The following GALNT13 variants were observed in gnomAD, a reference collection of about 807,000 sequenced individuals.
GALNT13 encodes UDP-GalNAc:polypeptide N-acetylgalactosaminyltransferase 13.
Under a neutral mutation model 64.2 loss-of-function variants are expected in GALNT13, and 28 were observed. That is an observed-to-expected ratio of 0.44 (90% CI 0.32 to 0.60). The LOEUF is 0.60. Ranked by LOEUF, GALNT13 falls within the 20% of genes least tolerant of loss-of-function variation. The pLI is 0.05. For synonymous variants in GALNT13, 214 were observed against 224.6 expected (o/e 0.95, Z 0.42); for missense variants, 577 against 669.8 (o/e 0.86, Z 1.53).
intron 2 of GALNT13, among the ~76,000 whole-genome samples, chr2:153,936,530 C>A (rs1301523632): frequency 6.6e-6 from 1 of 151,990 alleles, no homozygotes; most frequent in Non-Finnish European, 1.5e-5. Context: ...AGCCCTGTAG[C>A]CTGAAACCAG....
intron 4 of GALNT13, among the ~76,000 whole-genome samples, chr2:154,183,357 C>T (rs1417611904): frequency 6.6e-6 from 1 of 151,932 alleles, no homozygotes; most frequent in Non-Finnish European, 1.5e-5. Context: ...CTTGTGGACT[C>T]TCTTTCATTT....
intron 9 of GALNT13, among the ~76,000 whole-genome samples, chr2:154,356,349 G>T (rs1220688766): frequency 6.6e-6 from 1 of 151,942 alleles, no homozygotes; most frequent in African/African-American, 2.4e-5. Flanking sequence ...TCTGAGAATT[G>T]CTAGTGTTCA....
chr2:154,021,848 T>A, intron 3 of GALNT13, among the ~76,000 whole-genome samples: 1 of 150,148 alleles, frequency 6.7e-6, no homozygotes, highest in Non-Finnish European at 1.5e-5. Flanking sequence ...TTGTCATAGA[T>A]AGCTCTTATT....
intron 12 of GALNT13, among the ~76,000 whole-genome samples, chr2:154,441,400 G>A (rs1364428512): frequency 6.6e-6 from 1 of 152,068 alleles, no homozygotes; most frequent in East Asian, 1.9e-4. Context: ...ATCTTTTGCT[G>A]GCAAGGACAA....
At chr2:153,758,815 C>T in the GALNT13 span, among the ~76,000 whole-genome samples, 4 of 152,134 alleles carry the variant, frequency 2.6e-5, no homozygotes, top group Admixed American at 6.5e-5. Flanking sequence ...TGGTCTTGAA[C>T]TCCTGTGCTC....
the GALNT13 span, among the ~76,000 whole-genome samples, chr2:153,122,481 G>C: frequency 1.3e-5 from 2 of 152,206 alleles, no homozygotes; most frequent in African/African-American, 4.8e-5. Context: ...CCAGTGTTCA[G>C]ATTTACATCC....
the GALNT13 span, among the ~76,000 whole-genome samples, chr2:153,143,236 T>A: frequency 5.3e-5 from 8 of 151,976 alleles, no homozygotes; most frequent in African/African-American, 1.9e-4. Flanking sequence ...AGGTCGAATG[T>A]ACATGTCTCT....
intron 2 of GALNT13, among the ~76,000 whole-genome samples, chr2:153,905,265 T>C (rs1688482111): frequency 6.6e-6 from 1 of 152,084 alleles, no homozygotes; most frequent in African/African-American, 2.4e-5. Context: ...ATTTCATTTA[T>C]GAACATAATA....
the GALNT13 span, among the ~76,000 whole-genome samples, chr2:153,780,414 C>G: frequency 6.6e-6 from 1 of 151,898 alleles, no homozygotes. Context: ...TCACATCAGG[C>G]AGTCCTTGCT....
chr2:154,304,855 A>T (rs1417647510), intron 9 of GALNT13, among the ~76,000 whole-genome samples: 1 of 152,212 alleles, frequency 6.6e-6, no homozygotes, highest in Non-Finnish European at 1.5e-5. Context: ...AATGTGTTGA[A>T]GATATCTAAG....
chr2:153,884,967 A>C (rs1280810196), intron 1 of GALNT13, among the ~76,000 whole-genome samples: 1 of 148,360 alleles, frequency 6.7e-6, no homozygotes, highest in Admixed American at 6.7e-5. Flanking sequence ...TTAACCCAGG[A>C]GGTAAAGGTT....
the GALNT13 span, among the ~76,000 whole-genome samples, chr2:153,190,509 G>A: frequency 6.6e-6 from 1 of 151,986 alleles, no homozygotes; most frequent in African/African-American, 2.4e-5. Flanking sequence ...TTAAAGTCAG[G>A]TAGTATGATG....
At chr2:153,497,538 T>A in the GALNT13 span, among the ~76,000 whole-genome samples, 988 of 123,482 alleles carry the variant, frequency 8.0e-3, 19 homozygotes, top group African/African-American at 0.022. Flanking sequence ...TTTTTTTTTT[T>A]TTTTTTTTTT....
the GALNT13 span, among the ~76,000 whole-genome samples, chr2:153,322,594 C>T: frequency 6.6e-6 from 1 of 152,074 alleles, no homozygotes; most frequent in Non-Finnish European, 1.5e-5. Context: ...TGGTGGTTTG[C>T]TGCATCCATC....
intron 9 of GALNT13, among the ~76,000 whole-genome samples, chr2:154,326,883 G>A (rs1694903043): frequency 6.6e-6 from 1 of 152,084 alleles, no homozygotes; most frequent in African/African-American, 2.4e-5. Flanking sequence ...TTTTTCAGGT[G>A]TTGAGGTCAC....
chr2:154,351,042 A>G (rs960368984), intron 9 of GALNT13, among the ~76,000 whole-genome samples: 1 of 152,128 alleles, frequency 6.6e-6, no homozygotes, highest in Admixed American at 6.6e-5. Flanking sequence ...GGGACACAGG[A>G]TTTGCAGCTG....
At chr2:153,723,070 C>A in the GALNT13 span, among the ~76,000 whole-genome samples, 4 of 150,684 alleles carry the variant, frequency 2.7e-5, no homozygotes, top group Admixed American at 6.6e-5. Context: ...TACTGGCAAA[C>A]CGAATCCAGC....
chr2:154,194,599 C>T (rs1456279566), intron 4 of GALNT13, among the ~76,000 whole-genome samples: 1 of 152,118 alleles, frequency 6.6e-6, no homozygotes, highest in East Asian at 1.9e-4. Context: ...TCCACTGCCC[C>T]TTTAGAGCAC....
chr2:153,402,826 C>T, the GALNT13 span, among the ~76,000 whole-genome samples: 2 of 152,116 alleles, frequency 1.3e-5, no homozygotes, highest in Non-Finnish European at 2.9e-5. Context: ...GTTATACATT[C>T]TTCTAAATTG....
Sources: allele counts gnomAD v4.1 joint callset (sites outside exome capture counted in the v4.1 genomes callset), GRCh38; gene constraint gnomAD v4.1.1; transcripts MANE v1.5; gene names NCBI Gene and HGNC (gene_info 2026-07-23, HGNC 2026-07-21).